Variants in KCNH8 observed in about 807,000 individuals in gnomAD.
KCNH8 encodes potassium voltage-gated channel subfamily H member 8.
A neutral mutation model predicts 103.6 loss-of-function variants in KCNH8; 70 were observed. The ratio of observed to expected loss-of-function variants is 0.68; its 90% CI spans 0.56 to 0.82. The LOEUF (loss-of-function observed/expected upper bound fraction) is 0.82, where lower values mean the gene tolerates loss of function less well. KCNH8 is among the 40% of genes least tolerant of loss of function. The pLI is 0.00. For synonymous variants in KCNH8, 498 were observed against 489.4 expected (o/e 1.02, Z -0.23); for missense variants, 1,217 against 1,329.9 (o/e 0.92, Z 1.32).
chr3:19,455,612 T>C (rs1179106655), intron 10 of KCNH8, among the ~76,000 whole-genome samples: 1 of 152,048 alleles, frequency 6.6e-6, no homozygotes, highest in African/African-American at 2.4e-5. Context: ...ATGAGGTGAA[T>C]ACCAACATGG....
intron 7 of KCNH8, among the ~76,000 whole-genome samples, chr3:19,414,007 C>T (rs561174858): frequency 2.0e-5 from 3 of 152,162 alleles, no homozygotes; most frequent in African/African-American, 4.8e-5. Context: ...AAAATATAAA[C>T]AGCAGATAGC....
At chr3:19,308,079 G>T (rs771310767) in intron 3 of KCNH8, among the ~76,000 whole-genome samples, 9 of 151,810 alleles carry the variant, frequency 5.9e-5, no homozygotes, top group Middle Eastern at 3.2e-3. Flanking sequence ...AATGATAAAT[G>T]TGTAAGATGA....
At chr3:19,284,502 TCTG>T (rs1462164676) in intron 3 of KCNH8, among the ~76,000 whole-genome samples, 5 of 146,698 alleles carry the variant, frequency 3.4e-5, no homozygotes, top group African/African-American at 5.2e-5. Context: ...AGCTGGTGGA[TCTG>T]CTGGTGTGTG....
intron 1 of KCNH8, among the ~76,000 whole-genome samples, chr3:19,198,758 G>A (rs921496166): frequency 2.0e-5 from 3 of 151,918 alleles, no homozygotes; most frequent in African/African-American, 7.2e-5. Flanking sequence ...TTAACACAAA[G>A]GAATGCACTA....
At chr3:19,455,664 A>C (rs376630142) in intron 10 of KCNH8, among the ~76,000 whole-genome samples, 66 of 152,226 alleles carry the variant, frequency 4.3e-4, no homozygotes, top group Non-Finnish European at 7.4e-4. Flanking sequence ...TACAAGGTCC[A>C]GCACGCGTGG....
chr3:19,368,344 T>C (rs2066041722), intron 5 of KCNH8, among the ~76,000 whole-genome samples: 1 of 152,008 alleles, frequency 6.6e-6, no homozygotes, highest in South Asian at 2.1e-4. Context: ...AGGAAAGATA[T>C]CTGTGGTGTA....
chr3:19,403,159 G>A (rs1396183186), intron 7 of KCNH8, among the ~76,000 whole-genome samples: 1 of 151,100 alleles, frequency 6.6e-6, no homozygotes, highest in Admixed American at 6.6e-5. Flanking sequence ...ATCCACTTGG[G>A]GTTTGGTTTT....
intron 3 of KCNH8, among the ~76,000 whole-genome samples, chr3:19,320,999 T>A (rs1168107067): frequency 6.6e-6 from 1 of 152,124 alleles, no homozygotes; most frequent in East Asian, 1.9e-4. Context: ...CCTTGAATGA[T>A]CTTTTGAATT....
chr3:19,409,883 T>C (rs1022141870), intron 7 of KCNH8, among the ~76,000 whole-genome samples: 6 of 152,046 alleles, frequency 3.9e-5, no homozygotes, highest in Admixed American at 3.9e-4. Context: ...TGAGAACTTC[T>C]AGAACTACAA....
chr3:19,207,456 C>T (rs187570523), intron 1 of KCNH8, among the ~76,000 whole-genome samples: 7 of 152,022 alleles, frequency 4.6e-5, no homozygotes, highest in Admixed American at 4.6e-4. Context: ...AATAAAGGAT[C>T]TCTTTTAAGA....
chr3:19,260,404 C>G (rs1195873076), intron 2 of KCNH8, among the ~76,000 whole-genome samples: 2 of 146,804 alleles, frequency 1.4e-5, no homozygotes, highest in Admixed American at 1.4e-4. Context: ...ATGAGCTATT[C>G]ATGACAGATA....
At chr3:19,293,227 T>C (rs918815910) in intron 3 of KCNH8, among the ~76,000 whole-genome samples, 2 of 152,032 alleles carry the variant, frequency 1.3e-5, no homozygotes, top group African/African-American at 4.8e-5. Context: ...GGCCATCTGG[T>C]CTCAGAGCTT....
chr3:19,295,890 A>G lies in KCNH8; in HGVS notation c.442+14561A>G, dbSNP rs189875401. Among the ~76,000 whole-genome samples the G allele has an allele frequency of 2.9e-3, 448 of 152,272 alleles. 4 individuals are homozygous for G. The highest frequency in any genetic ancestry group is 9.8e-3 in the African/African-American group (407 of 41,544). ...GGAAACACTAAGTACCCTGAATGGGAAAGATAGGGTCCCCAGTTTTGGGGG... is the reference window on the plus strand; with the variant it reads ...GGAAACACTAAGTACCCTGAATGGGGAAGATAGGGTCCCCAGTTTTGGGGG... On this transcript the variant is annotated intron_variant, in intron 3 of 15. Transcript: ENST00000328405.
intron 1 of KCNH8, among the ~76,000 whole-genome samples, chr3:19,207,212 T>C (rs1206738643): frequency 6.6e-6 from 1 of 151,804 alleles, no homozygotes; most frequent in East Asian, 1.9e-4. Context: ...GCATCAGGGG[T>C]AAAAAAAGAG....
At chr3:19,207,647 G>A (rs1010677250) in intron 1 of KCNH8, among the ~76,000 whole-genome samples, 1 of 151,852 alleles carries the variant, frequency 6.6e-6, no homozygotes, top group Non-Finnish European at 1.5e-5. Flanking sequence ...AGACATTCCA[G>A]GGCTATATTT....
chr3:19,256,915 A>G (rs2064354218), intron 2 of KCNH8, among the ~76,000 whole-genome samples: 1 of 152,094 alleles, frequency 6.6e-6, no homozygotes, highest in East Asian at 1.9e-4. Context: ...ATCATACTGC[A>G]TTATAGCTAT....
intron 15 of KCNH8, among the ~76,000 whole-genome samples, chr3:19,532,146 G>A (rs928452920): frequency 3.9e-5 from 6 of 152,072 alleles, no homozygotes; most frequent in East Asian, 1.9e-4. Context: ...TGGTCGTTAC[G>A]AAAATAAATT....
At position 19,318,660 on chromosome 3, in the gene KCNH8, TGTACAC is replaced by T. The variant is rs754207016; in HGVS notation, c.443-23926_443-23921del. ...TGGTAAGTGTGTGTGTGTGTGTGTG[TGTACAC>T]ACACACACACACACACACACATATA... On this transcript the variant is annotated intron_variant, in intron 3 of 15. Transcript: ENST00000328405. Among the ~76,000 whole-genome samples, 877 of 92,598 alleles carry T rather than the reference TGTACAC, an allele frequency of 9.5e-3. 19 individuals carry two copies. Among genetic ancestry groups the T allele is most frequent in the Non-Finnish European group, 5.9e-3 (258 of 43,660 alleles). The allele number at this position is 92,598 out of a possible 152,430, so 60.7% of individuals were successfully genotyped here.
intron 1 of KCNH8, among the ~76,000 whole-genome samples, chr3:19,168,968 C>G (rs2063311841): frequency 6.6e-6 from 1 of 152,192 alleles, no homozygotes; most frequent in South Asian, 2.1e-4. Flanking sequence ...CACCATCCCT[C>G]CGCCAACAGG....
Sources: gnomAD v4.1 joint callset for allele counts (sites outside exome capture counted in the v4.1 genomes callset) on GRCh38, gnomAD v4.1.1 for gene constraint, MANE v1.5 for transcripts, NCBI Gene and HGNC (gene_info 2026-07-23, HGNC 2026-07-21) for gene names.